Variants in CLSTN2 observed in about 807,000 individuals in gnomAD.
CLSTN2 encodes the protein calsyntenin 2.
A neutral mutation model predicts 101.2 loss-of-function variants in CLSTN2; 48 were observed. The ratio of observed to expected loss-of-function variants is 0.47; its 90% CI spans 0.38 to 0.60. CLSTN2 has a LOEUF of 0.60. Ranked by LOEUF, CLSTN2 falls within the 20% of genes least tolerant of loss-of-function variation. CLSTN2 has a pLI of 0.00. For missense variants in CLSTN2, 1,160 were observed against 1,238.2 expected (o/e 0.94, Z 0.95); for synonymous variants, 481 against 463.6 (o/e 1.04, Z -0.48).
At chr3:140,348,678 A>G (rs891321033) in intron 2 of CLSTN2, among the ~76,000 whole-genome samples, 7 of 152,196 alleles carry the variant, frequency 4.6e-5, no homozygotes, top group Admixed American at 2.6e-4. Flanking sequence ...AATTTCATAC[A>G]AGAAGACCTT....
intron 2 of CLSTN2, among the ~76,000 whole-genome samples, chr3:140,353,168 G>C (rs191235744): frequency 6.6e-6 from 1 of 150,906 alleles, no homozygotes; most frequent in East Asian, 1.9e-4. Context: ...GAGCAACTGT[G>C]AATTTTGGTA....
chr3:140,402,964 T>C (rs113246412), intron 2 of CLSTN2, among the ~76,000 whole-genome samples: 14 of 152,232 alleles, frequency 9.2e-5, no homozygotes, highest in African/African-American at 3.4e-4. Flanking sequence ...GTCTCAAATT[T>C]TCAGCACTTC....
At chr3:140,044,624 T>G (rs1305147416) in intron 1 of CLSTN2, among the ~76,000 whole-genome samples, 2,401 of 152,082 alleles carry the variant, frequency 0.016, 61 homozygotes, top group African/African-American at 0.053. Flanking sequence ...CAAAGGGAAT[T>G]CTTCCAGTTT....
intron 1 of CLSTN2, among the ~76,000 whole-genome samples, chr3:139,974,721 A>G (rs1935781146): frequency 6.6e-6 from 1 of 152,234 alleles, no homozygotes; most frequent in African/African-American, 2.4e-5. Flanking sequence ...AGGAAAACAA[A>G]GTACAATAAT....
intron 1 of CLSTN2, among the ~76,000 whole-genome samples, chr3:140,064,514 G>A (rs1251542679): frequency 6.6e-6 from 1 of 152,144 alleles, no homozygotes; most frequent in African/African-American, 2.4e-5. Context: ...ACAACTTTGG[G>A]TACAAATGAA....
In CLSTN2 at chr3:140,575,777, G is replaced by C. The variant is rs886218845; in HGVS notation, c.*9524G>C. On this transcript the variant is annotated 3_prime_UTR_variant, in exon 17 of 17. Coordinates refer to ENST00000458420, the MANE Select transcript of CLSTN2 (RefSeq NM_022131.3). ...AATATAAATTATCAGAGATGAGTAG[G>C]CTATGGACAGCTGATTATATATATG... The C allele has an allele frequency of 2.0e-5, 3 of 151,942 alleles. No individual in the cohort carries two copies. The highest frequency in any genetic ancestry group is 7.3e-5 in the African/African-American group (3 of 41,352). The allele number at this position is 151,942 out of a possible 1,614,324, so 9.4% of individuals were successfully genotyped here.
intron 2 of CLSTN2, among the ~76,000 whole-genome samples, chr3:140,299,877 G>A (rs2087042193): frequency 6.6e-6 from 1 of 152,182 alleles, no homozygotes; most frequent in East Asian, 1.9e-4. Context: ...TTGCACGTTG[G>A]AGCTCTCAGT....
At chr3:140,119,032 G>A (rs1411240962) in intron 1 of CLSTN2, among the ~76,000 whole-genome samples, 2 of 152,188 alleles carry the variant, frequency 1.3e-5, no homozygotes, top group South Asian at 2.1e-4. Flanking sequence ...GAGGACACAG[G>A]GAAAGGGAGA....
At chr3:140,502,837 G>A (rs999769271) in intron 8 of CLSTN2, among the ~76,000 whole-genome samples, 2 of 152,110 alleles carry the variant, frequency 1.3e-5, no homozygotes, top group Non-Finnish European at 2.9e-5. Context: ...TGAGTGTGTT[G>A]GTTTCCTATT....
intron 8 of CLSTN2, among the ~76,000 whole-genome samples, chr3:140,473,608 G>A (rs1341669720): frequency 6.6e-6 from 1 of 152,164 alleles, no homozygotes; most frequent in Non-Finnish European, 1.5e-5. Flanking sequence ...ACTGGATAGG[G>A]AAGGAAACGG....
At chr3:140,238,250 A>G (rs138526556) in intron 2 of CLSTN2, among the ~76,000 whole-genome samples, 6 of 152,332 alleles carry the variant, frequency 3.9e-5, no homozygotes, top group African/African-American at 1.4e-4. Flanking sequence ...GAATAGAAAT[A>G]TAATCTGACT....
intron 1 of CLSTN2, among the ~76,000 whole-genome samples, chr3:139,997,363 C>A (rs1235623731): frequency 6.6e-6 from 1 of 152,160 alleles, no homozygotes; most frequent in African/African-American, 2.4e-5. Context: ...CAAACACACA[C>A]AGAAGGTTGA....
rs1258298652 is a variant in CLSTN2 at position 140,541,863 on chromosome 3, C to A, written c.1508-4652C>A. Among the ~76,000 whole-genome samples the A allele has an allele frequency of 2.0e-5, 3 of 152,172 alleles. No homozygotes were observed. In the East Asian group the frequency reaches 5.8e-4, roughly 29 times the overall value. On this transcript the variant is annotated intron_variant, in intron 9 of 16. Transcript: ENST00000458420. ...TCTATACGCAGACCTCCTCCACCCT[C>A]CTCATGGTTTAGGCTTCTGGAAACC...
chr3:140,459,735 G>A lies in CLSTN2; in HGVS notation c.1188G>A (p.Glu396=), dbSNP rs1322307731. Residue 396 remains glutamate, a synonymous_variant, in exon 7 of 17, where the codon GAG becomes GAA. Transcript: ENST00000458420. ...GCCCCAGCCCTGGTGTGAGAGCCGA[G>A]AAGGAAACCATCCTCTGCAACTCAG... The part of the protein sequence containing the change: ...KHGPSPGVRA[E]KETILCNSDK... 1.9e-6 allele frequency: 3 copies of A among 1,614,150 alleles called. No homozygotes were observed. The highest frequency in any genetic ancestry group is 1.3e-5 in the African/African-American group (1 of 75,044).
intron 10 of CLSTN2, among the ~76,000 whole-genome samples, chr3:140,552,087 C>T (rs750670149): frequency 2.6e-5 from 4 of 152,118 alleles, no homozygotes; most frequent in Non-Finnish European, 5.9e-5. Flanking sequence ...CCAGCCTTCT[C>T]TCAAGGAACA....
At chr3:140,388,254 T>C (rs1240964909) in intron 2 of CLSTN2, among the ~76,000 whole-genome samples, 3 of 152,198 alleles carry the variant, frequency 2.0e-5, no homozygotes, top group Non-Finnish European at 4.4e-5. Context: ...TGACTGTAAA[T>C]AATGAAAATG....
intron 2 of CLSTN2, among the ~76,000 whole-genome samples, chr3:140,402,287 T>A (rs986600737): frequency 6.6e-6 from 1 of 152,158 alleles, no homozygotes; most frequent in African/African-American, 2.4e-5. Flanking sequence ...TGGGGCTGTT[T>A]GGAGATGGTG....
chr3:139,942,230 C>T (rs780096199), intron 1 of CLSTN2, among the ~76,000 whole-genome samples: 5 of 152,190 alleles, frequency 3.3e-5, no homozygotes, highest in Non-Finnish European at 5.9e-5. Flanking sequence ...CTGAAAGCCT[C>T]ACTCTCTGAC....
intron 5 of CLSTN2, among the ~76,000 whole-genome samples, chr3:140,432,096 A>G (rs535761816): frequency 1.2e-4 from 18 of 152,290 alleles, no homozygotes; most frequent in Non-Finnish European, 1.9e-4. Context: ...TTTTGTACTT[A>G]AGATTGGGAT....
Sources: allele counts gnomAD v4.1 joint callset (sites outside exome capture counted in the v4.1 genomes callset), GRCh38; gene constraint gnomAD v4.1.1; transcripts MANE v1.5; gene names NCBI Gene and HGNC (gene_info 2026-07-23, HGNC 2026-07-21).